The following MYRFL variants were observed in gnomAD, a reference collection of about 807,000 sequenced individuals.
The protein encoded by MYRFL is myelin regulatory factor like.
In MYRFL, 88 loss-of-function variants were observed where a neutral mutation model predicts 109.4. The observed-to-expected ratio is 0.80, with a 90% CI of 0.68 to 0.96. The LOEUF (loss-of-function observed/expected upper bound fraction) is 0.96, where lower values mean the gene tolerates loss of function less well. MYRFL is among the 40% of genes least tolerant of loss of function. The pLI is 0.00. For missense variants in MYRFL, 957 were observed against 954.9 expected, an observed-to-expected ratio of 1.00 and a Z score of -0.03; for synonymous variants, 324 against 320.9, an observed-to-expected ratio of 1.01 and a Z score of -0.10.
In MYRFL at chr12:69,879,336, G is replaced by A; in HGVS notation, c.347G>A (p.Gly116Asp). 1 of 702,850 alleles carries A rather than the reference G, an allele frequency of 1.4e-6. No individual in the cohort carries two copies. Among genetic ancestry groups the A allele is most frequent in the South Asian group, 1.5e-5 (1 of 67,592 alleles). The allele number at this position is 702,850 out of a possible 1,614,324, so 43.5% of individuals were successfully genotyped here. A position where few individuals can be genotyped will look rare whatever the true frequency, so the allele number is the denominator to read the frequency against. The change falls in exon 4 of 25, where the codon GGC (glycine) becomes GAC (aspartate). Residue 116 changes from glycine (G) to aspartate (D), a missense_variant. Gly to Asp is a moderately conservative substitution (Grantham distance 94). Transcript: ENST00000552032. Reference sequence around the variant, plus strand: ...GGCGACTCCTGCCAAATCCACGGAGGCTTTCACAGCTGCCACTCAAACGCC... The same window carrying A: ...GGCGACTCCTGCCAAATCCACGGAGACTTTCACAGCTGCCACTCAAACGCC... ...GMGDSCQIHG[G>D]FHSCHSNASH...
At chr12:69,825,652 G>A in intron 1 of MYRFL, 89 bp downstream of exon 1, 1 of 664,016 alleles carries the variant, frequency 1.5e-6, no homozygotes, top group South Asian at 1.7e-5. Flanking sequence ...CTTAAACTTT[G>A]TTTTGAAAGA....
chr12:69,897,389 C>T (rs1954031607), intron 10 of MYRFL, 143 bp downstream of exon 10: 1 of 715,802 alleles, frequency 1.4e-6, no homozygotes. Flanking sequence ...AGTTTTCACA[C>T]AGTGGTTCAC....
intron 1 of MYRFL, among the ~76,000 whole-genome samples, chr12:69,854,366 AGGG>A (rs1217473198): frequency 6.6e-6 from 1 of 150,872 alleles, no homozygotes; most frequent in East Asian, 2.0e-4. Flanking sequence ...GGAGAGGGAG[AGGG>A]AGAGGGAGAG....
intron 2 of MYRFL, among the ~76,000 whole-genome samples, chr12:69,861,574 T>C (rs1884669107): frequency 6.6e-6 from 1 of 152,086 alleles, no homozygotes; most frequent in Non-Finnish European, 1.5e-5. Context: ...TCGTGTCCTT[T>C]GCCCACTTTT....
At chr12:69,872,155 T>C (rs1885392128) in intron 2 of MYRFL, among the ~76,000 whole-genome samples, 1 of 152,068 alleles carries the variant, frequency 6.6e-6, no homozygotes, top group Non-Finnish European at 1.5e-5. Context: ...TTGTCTGTGG[T>C]GGTACTCTTT....
chr12:69,896,955 A>G (rs1954015632), intron 9 of MYRFL, among the ~76,000 whole-genome samples: 1 of 152,222 alleles, frequency 6.6e-6, no homozygotes, highest in Non-Finnish European at 1.5e-5. Context: ...CAAAGAGCTG[A>G]CCCATAACAA....
rs1296980392 is a variant in MYRFL, at chr12:69,910,821, G to C, written c.1493G>C (p.Gly498Ala). The change falls in exon 13 of 25, where the codon GGA becomes GCA. Residue 498 changes from glycine (G) to alanine (A), a missense_variant and splice_region_variant. By Grantham distance (60) the Gly-to-Ala change is moderately conservative. Transcript: ENST00000552032. ...AACCTGTGGAGTGTTTTGTATACAG[G>C]AATGATTGCCCAGGAGGTGCAAGAA... ...AMGINTAHQT[G>A]MIAQEVQEIL... is the part of the protein sequence containing the mutation. 1 of 1,532,980 alleles carries C rather than the reference G, an allele frequency of 6.5e-7. No homozygotes were observed. Among genetic ancestry groups the C allele is most frequent in the South Asian group, 1.2e-5 (1 of 83,914 alleles). The allele number at this position is 1,532,980 out of a possible 1,614,324, so 95.0% of individuals were successfully genotyped here. A position where few individuals can be genotyped will look rare whatever the true frequency, so the allele number is the denominator to read the frequency against.
intron 10 of MYRFL, among the ~76,000 whole-genome samples, chr12:69,900,571 T>C (rs747353963): frequency 2.6e-5 from 4 of 152,198 alleles, no homozygotes; most frequent in Non-Finnish European, 5.9e-5. Context: ...CTGCAGACCA[T>C]GCTTTGAGTA....
In MYRFL at chr12:69,926,561, TC is replaced by T. The variant is rs1955090304; in HGVS notation, c.1603-7del. On this transcript the variant is annotated splice_polypyrimidine_tract_variant and intron_variant, in intron 13 of 24. Transcript: ENST00000552032. ...TAATTTATGCACTCTGTTTGATTTTTCCCTTTTAGGACCAGATCTTTATGGA... is the reference window on the plus strand; with the variant it reads ...TAATTTATGCACTCTGTTTGATTTTTCCTTTTAGGACCAGATCTTTATGGA... The T allele has an allele frequency of 6.7e-7, 1 of 1,483,324 alleles. No individual in the cohort carries two copies. 91.9% of individuals were successfully genotyped at this position (1,483,324 alleles called of 1,614,324 possible).
intron 13 of MYRFL, among the ~76,000 whole-genome samples, chr12:69,911,432 T>C (rs966068025): frequency 6.6e-6 from 1 of 152,216 alleles, no homozygotes; most frequent in African/African-American, 2.4e-5. Flanking sequence ...GATGAAACGG[T>C]GTTTGACTTT....
intron 13 of MYRFL, among the ~76,000 whole-genome samples, chr12:69,920,384 G>A (rs79802413): frequency 0.015 from 2,230 of 152,250 alleles, 71 homozygotes; most frequent in African/African-American, 0.051. Flanking sequence ...AGGTACTTCA[G>A]ATAAAAGAAT....
chr12:69,894,861 C>T (rs2136341076), intron 8 of MYRFL, among the ~76,000 whole-genome samples: 1 of 152,320 alleles, frequency 6.6e-6, no homozygotes, highest in Non-Finnish European at 1.5e-5. Flanking sequence ...ACAAACACCG[C>T]ACTAAATGTG....
intron 13 of MYRFL, among the ~76,000 whole-genome samples, chr12:69,924,503 A>G (rs1353066373): frequency 6.6e-6 from 1 of 152,030 alleles, no homozygotes; most frequent in Non-Finnish European, 1.5e-5. Flanking sequence ...TTTATTATCA[A>G]TTCCCCTATT....
rs141659717 is a variant in MYRFL, at chr12:69,952,531, C to A, written c.2288-268C>A. ...ATAAATTTTGATTTAGTAGGACTTC[C>A]ATGGTCCAGAAATTCTTTTGAATGT... On this transcript the variant is annotated intron_variant, in intron 20 of 24. Coordinates refer to ENST00000552032, the MANE Select transcript of MYRFL (RefSeq NM_182530.3). Among the ~76,000 whole-genome samples, 167 of 152,300 alleles carry A rather than the reference C, an allele frequency of 1.1e-3. 1 individual carries two copies. Among genetic ancestry groups the A allele is most frequent in the African/African-American group, 3.8e-3 (159 of 41,564 alleles).
At position 69,939,246 on chromosome 12, in the gene MYRFL, G is replaced by A. The variant is rs558130022; in HGVS notation, c.2224+2614G>A. Among the ~76,000 whole-genome samples, 3 of 152,290 alleles carry A rather than the reference G, an allele frequency of 2.0e-5. No homozygotes were observed. The East Asian group carries it at 5.8e-4, about 29-fold the overall frequency. ...GCTCCACCTCTGGGGGCAGGGCACAGACAAACAAAAAGACAGCAGTAACCT... is the reference window on the plus strand; with the variant it reads ...GCTCCACCTCTGGGGGCAGGGCACAAACAAACAAAAAGACAGCAGTAACCT... On this transcript the variant is annotated intron_variant, in intron 19 of 24. Coordinates refer to ENST00000552032, the MANE Select transcript of MYRFL (RefSeq NM_182530.3).
At chr12:69,941,878 A>G (rs1159343790) in intron 19 of MYRFL, among the ~76,000 whole-genome samples, 1 of 144,712 alleles carries the variant, frequency 6.9e-6, no homozygotes, top group Non-Finnish European at 1.6e-5. Context: ...ACAGAAATAC[A>G]AACTACCATC....
chr12:69,944,616 A>T (rs1955773866), intron 19 of MYRFL, among the ~76,000 whole-genome samples: 1 of 151,882 alleles, frequency 6.6e-6, no homozygotes. Flanking sequence ...GCACACCAGC[A>T]TGGCACATGT....
intron 1 of MYRFL, among the ~76,000 whole-genome samples, chr12:69,845,810 A>AG (rs398038895): frequency 1.4e-5 from 2 of 142,990 alleles, no homozygotes; most frequent in Non-Finnish European, 1.5e-5. Flanking sequence ...AAAAAAAAAA[A>AG]CCTTGTTATT....
intron 1 of MYRFL, among the ~76,000 whole-genome samples, chr12:69,831,012 A>G (rs1174457124): frequency 6.6e-6 from 1 of 152,198 alleles, no homozygotes; most frequent in Non-Finnish European, 1.5e-5. Flanking sequence ...TGTGGATAAT[A>G]TAGATAACCT....
Sources: gnomAD v4.1 joint callset for allele counts (sites outside exome capture counted in the v4.1 genomes callset) on GRCh38, gnomAD v4.1.1 for gene constraint, MANE v1.5 for transcripts, NCBI Gene and HGNC (gene_info 2026-07-23, HGNC 2026-07-21) for gene names.